EYS: variants seen among roughly 807,000 people sequenced by gnomAD.
EYS encodes EGF-like photoreceptor maintenance factor.
EYS carries 250 observed loss-of-function variants against 282.1 expected under a neutral mutation model. The observed-to-expected ratio is 0.89, with a 90% CI of 0.80 to 0.98. EYS has a LOEUF of 0.98. Among genes scored for constraint, EYS ranks in the 50% least tolerant of loss-of-function variants. The probability of loss-of-function intolerance (pLI) is 0.00; values close to 1 mark genes in which losing one functional copy is unlikely to be tolerated. For missense variants in EYS, 4,016 were observed against 3,709.0 expected (o/e 1.08, Z -2.15); for synonymous variants, 1,355 against 1,282.9 (o/e 1.06, Z -1.20).
chr6:63,723,022 C>G (rs1198055013), intron 42 of EYS, among the ~76,000 whole-genome samples: 1 of 152,256 alleles, frequency 6.6e-6, no homozygotes, highest in African/African-American at 2.4e-5. Context: ...ACAGTTGATT[C>G]CCAGCACCCA....
intron 1 of EYS, among the ~76,000 whole-genome samples, chr6:65,644,200 G>C (rs913681905): frequency 2.6e-5 from 4 of 152,056 alleles, no homozygotes; most frequent in African/African-American, 9.7e-5. Context: ...AAAACCTTCA[G>C]TGAAATAGAT....
At chr6:64,709,379 C>G (rs1495536) in intron 22 of EYS, among the ~76,000 whole-genome samples, 149,238 of 152,232 alleles carry the variant, frequency 0.98, 73,186 homozygotes, top group Non-Finnish European at 1. Flanking sequence ...TTCATTTCTT[C>G]AGCATTTTTC....
intron 2 of EYS, among the ~76,000 whole-genome samples, chr6:65,577,847 T>A (rs1764729928): frequency 6.6e-6 from 1 of 151,698 alleles, no homozygotes; most frequent in Admixed American, 6.6e-5. Context: ...CTCAAATTAC[T>A]AATCATCAGA....
chr6:65,043,202 AT>A, intron 13 of EYS, among the ~76,000 whole-genome samples: 1 of 151,680 alleles, frequency 6.6e-6, no homozygotes, highest in African/African-American at 2.4e-5. Context: ...TTCATTTATC[AT>A]TTTTTATGGG....
At position 64,203,760 on chromosome 6, in the gene EYS, C is replaced by T. The variant is rs373921609; in HGVS notation, c.6424+26832G>A. Among the ~76,000 whole-genome samples, 15 of 152,268 alleles carry T rather than the reference C, an allele frequency of 9.9e-5. 1 individual carries two copies. The highest frequency in any genetic ancestry group is 3.6e-4 in the African/African-American group (15 of 41,566). On this transcript the variant is annotated intron_variant, in intron 31 of 42. Coordinates refer to ENST00000503581, the MANE Select transcript of EYS (RefSeq NM_001142800.2). ...CAATAACAATAGTAAATATATTTGACTTGTTTCAGGTCTAGAGCAATACCT... is the reference window on the plus strand; with the variant it reads ...CAATAACAATAGTAAATATATTTGATTTGTTTCAGGTCTAGAGCAATACCT...
chr6:64,169,858 G>A (rs951618916), intron 31 of EYS, among the ~76,000 whole-genome samples: 1 of 152,144 alleles, frequency 6.6e-6, no homozygotes, highest in African/African-American at 2.4e-5. Context: ...ACAGGAGTAA[G>A]CCTTAGACCA....
At chr6:65,431,721 C>T (rs1255358286) in intron 5 of EYS, among the ~76,000 whole-genome samples, 7 of 151,924 alleles carry the variant, frequency 4.6e-5, no homozygotes, top group Admixed American at 3.3e-4. Flanking sequence ...CACATTATCT[C>T]TAAATTTCCG....
chr6:64,911,595 C>T (rs1279055372), intron 16 of EYS, among the ~76,000 whole-genome samples: 2 of 151,998 alleles, frequency 1.3e-5, no homozygotes, highest in African/African-American at 4.8e-5. Context: ...CCCTTAAGGG[C>T]CAGTGAGAGG....
chr6:65,459,632 C>G (rs1459186246), intron 5 of EYS, among the ~76,000 whole-genome samples: 1 of 143,188 alleles, frequency 7.0e-6, no homozygotes, highest in African/African-American at 2.4e-5. Flanking sequence ...TGCCTGACAC[C>G]TGGTAGATGT....
chr6:64,074,271 GT>G (rs1457708809), intron 32 of EYS, among the ~76,000 whole-genome samples: 1 of 151,216 alleles, frequency 6.6e-6, no homozygotes, highest in Non-Finnish European at 1.5e-5. Context: ...AAATGTCATA[GT>G]TTTTAGAGAG....
intron 15 of EYS, among the ~76,000 whole-genome samples, chr6:64,930,166 A>T (rs956886733): frequency 1.1e-4 from 16 of 152,268 alleles, no homozygotes; most frequent in Non-Finnish European, 2.4e-4. Context: ...ACAAATAAAC[A>T]TGCACACATA....
chr6:64,345,855 G>T (rs1771366022), intron 29 of EYS, among the ~76,000 whole-genome samples: 2 of 151,630 alleles, frequency 1.3e-5, no homozygotes, highest in South Asian at 2.1e-4. Flanking sequence ...AAATTTACAA[G>T]AAAAAAATAA....
intron 36 of EYS, among the ~76,000 whole-genome samples, chr6:63,830,816 G>C (rs986964716): frequency 7.2e-5 from 11 of 152,236 alleles, no homozygotes; most frequent in Admixed American, 5.2e-4. Flanking sequence ...CAGCCAGAGA[G>C]AAAGGTCAGG....
intron 35 of EYS, among the ~76,000 whole-genome samples, chr6:63,937,130 T>A (rs919370174): frequency 7.2e-5 from 11 of 152,042 alleles, no homozygotes; most frequent in African/African-American, 2.4e-4. Flanking sequence ...GAGAAACCCC[T>A]AAATACTAGA....
intron 12 of EYS, among the ~76,000 whole-genome samples, chr6:65,131,552 C>T (rs566360020): frequency 2.6e-5 from 4 of 151,944 alleles, no homozygotes; most frequent in East Asian, 3.9e-4. Context: ...AGATACAACA[C>T]GTCAGAATCT....
At chr6:64,671,049 C>T (rs1401332718) in intron 22 of EYS, among the ~76,000 whole-genome samples, 4 of 152,158 alleles carry the variant, frequency 2.6e-5, no homozygotes, top group Non-Finnish European at 4.4e-5. Flanking sequence ...CTTTATTTTG[C>T]ATTCATTCCC....
intron 22 of EYS, among the ~76,000 whole-genome samples, chr6:64,721,229 A>G (rs1433349332): frequency 2.0e-5 from 3 of 152,160 alleles, no homozygotes; most frequent in East Asian, 1.9e-4. Context: ...TAAAACAAGG[A>G]CAGTATAATA....
chr6:65,306,962 T>C (rs1769029996), intron 11 of EYS, among the ~76,000 whole-genome samples: 2 of 143,492 alleles, frequency 1.4e-5, no homozygotes, highest in South Asian at 4.4e-4. Context: ...TAAGCGTATT[T>C]TTAAGTTTGG....
intron 35 of EYS, among the ~76,000 whole-genome samples, chr6:63,871,403 A>G (rs1394411807): frequency 6.6e-6 from 1 of 152,084 alleles, no homozygotes; most frequent in Non-Finnish European, 1.5e-5. Flanking sequence ...ACTCATGCCT[A>G]TAATCTCAGC....
Sources: gnomAD v4.1 joint callset for allele counts (sites outside exome capture counted in the v4.1 genomes callset) on GRCh38, gnomAD v4.1.1 for gene constraint, MANE v1.5 for transcripts, NCBI Gene and HGNC (gene_info 2026-07-23, HGNC 2026-07-21) for gene names.